Variants in NEGR1 observed in about 807,000 individuals in gnomAD.
NEGR1 encodes the protein neuronal growth regulator 1.
NEGR1 carries 10 observed loss-of-function variants against 40.9 expected under a neutral mutation model. The ratio of observed to expected loss-of-function variants is 0.24; its 90% CI spans 0.15 to 0.42. The LOEUF (loss-of-function observed/expected upper bound fraction) is 0.42, where lower values mean the gene tolerates loss of function less well. Among genes scored for constraint, NEGR1 ranks in the 10% least tolerant of loss-of-function variants. The pLI, the probability that NEGR1 is intolerant of heterozygous loss-of-function variation, is 1.00. For synonymous variants in NEGR1, 185 were observed against 166.8 expected (o/e 1.11, Z -0.84); for missense variants, 352 against 438.9 (o/e 0.80, Z 1.77).
intron 6 of NEGR1, among the ~76,000 whole-genome samples, chr1:71,434,948 C>G (rs955160071): frequency 1.8e-4 from 27 of 152,066 alleles, no homozygotes; most frequent in African/African-American, 2.9e-4. Flanking sequence ...AAAATTAGCC[C>G]GGCATAGTGG....
At chr1:71,723,241 G>A (rs1570260772) in intron 3 of NEGR1, among the ~76,000 whole-genome samples, 1 of 151,902 alleles carries the variant, frequency 6.6e-6, no homozygotes, top group East Asian at 1.9e-4. Context: ...AAATATATTT[G>A]GTATTTGTCC....
chr1:72,182,423 G>C (rs1323280950), intron 1 of NEGR1, among the ~76,000 whole-genome samples: 1 of 152,094 alleles, frequency 6.6e-6, no homozygotes, highest in Non-Finnish European at 1.5e-5. Context: ...AACCCGGGGG[G>C]TGGAGGTTGC....
At chr1:71,606,612 A>G (rs605349) in intron 5 of NEGR1, among the ~76,000 whole-genome samples, 4,658 of 152,334 alleles carry the variant, frequency 0.031, 234 homozygotes, top group African/African-American at 0.11. Context: ...TGATGGTGAC[A>G]TAAAGCTGAG....
intron 3 of NEGR1, among the ~76,000 whole-genome samples, chr1:71,763,852 C>T (rs1656032219): frequency 6.6e-6 from 1 of 151,998 alleles, no homozygotes; most frequent in Non-Finnish European, 1.5e-5. Flanking sequence ...GTGAATACCT[C>T]ATTATCTCCA....
At chr1:72,106,042 G>A (rs1010305459) in intron 1 of NEGR1, among the ~76,000 whole-genome samples, 1 of 152,028 alleles carries the variant, frequency 6.6e-6, no homozygotes, top group Non-Finnish European at 1.5e-5. Flanking sequence ...TTTTTGAGGA[G>A]GAGAAACAAT....
chr1:72,000,347 C>A (rs1220402545), intron 1 of NEGR1, among the ~76,000 whole-genome samples: 1 of 151,768 alleles, frequency 6.6e-6, no homozygotes, highest in Non-Finnish European at 1.5e-5. Flanking sequence ...TCCAATTCCA[C>A]ACAAAATGTG....
At chr1:72,036,345 A>G (rs576423706) in intron 1 of NEGR1, among the ~76,000 whole-genome samples, 3 of 152,178 alleles carry the variant, frequency 2.0e-5, no homozygotes, top group South Asian at 4.2e-4. Flanking sequence ...AAATGTGCAC[A>G]CTACAAAGGT....
intron 6 of NEGR1, among the ~76,000 whole-genome samples, chr1:71,591,863 AT>A (rs1406077739): frequency 6.6e-6 from 1 of 152,150 alleles, no homozygotes; most frequent in Non-Finnish European, 1.5e-5. Context: ...CATATATCCC[AT>A]CCCCATTTCT....
chr1:72,046,974 T>C (rs1009713972), intron 1 of NEGR1, among the ~76,000 whole-genome samples: 2 of 151,544 alleles, frequency 1.3e-5, no homozygotes, highest in Non-Finnish European at 3.0e-5. Flanking sequence ...TCTTCCAACG[T>C]CCTTAATTTT....
chr1:71,798,862 G>T (rs1657438949), intron 2 of NEGR1, among the ~76,000 whole-genome samples: 1 of 152,058 alleles, frequency 6.6e-6, no homozygotes, highest in Non-Finnish European at 1.5e-5. Context: ...CCCCTATTTT[G>T]TGAGTGCACC....
chr1:71,735,758 C>A (rs1417399699), intron 3 of NEGR1, among the ~76,000 whole-genome samples: 1 of 151,786 alleles, frequency 6.6e-6, no homozygotes, highest in Non-Finnish European at 1.5e-5. Context: ...AATGGTATTT[C>A]AGATATTCCA....
At chr1:71,591,430 G>T (rs1760604) in intron 6 of NEGR1, among the ~76,000 whole-genome samples, 136,185 of 152,178 alleles carry the variant, frequency 0.89, 62,292 homozygotes, top group Non-Finnish European at 1. Flanking sequence ...ATAGCAAAAC[G>T]TAATATGTTA....
intron 1 of NEGR1, among the ~76,000 whole-genome samples, chr1:72,157,041 G>C (rs941112468): frequency 6.6e-6 from 1 of 151,942 alleles, no homozygotes. Flanking sequence ...TAGCTCATAA[G>C]AGCCTCCACC....
intron 6 of NEGR1, among the ~76,000 whole-genome samples, chr1:71,412,926 G>A (rs935867922): frequency 1.3e-5 from 2 of 152,092 alleles, no homozygotes; most frequent in African/African-American, 4.8e-5. Flanking sequence ...GATCCTGTTT[G>A]CAGATCAGAA....
At position 72,159,246 on chromosome 1, in the gene NEGR1, A is replaced by C. The variant is rs1651468429; in HGVS notation, c.176+123073T>G. Among the ~76,000 whole-genome samples the C allele has an allele frequency of 2.6e-5, 4 of 152,298 alleles. No individual in the cohort carries two copies. In the South Asian group the frequency reaches 6.2e-4, roughly 24 times the overall value. On this transcript the variant is annotated intron_variant, in intron 1 of 6. Coordinates refer to ENST00000357731, the MANE Select transcript of NEGR1 (RefSeq NM_173808.3). ...ATTTAAGAGTAAGAAGAGTCTTTGC[A>C]ATAGTCTCCTTGCCGTTCCGTAACC... is the stretch of plus-strand genomic sequence containing the variant.
At chr1:71,948,881 C>A (rs562337498) in intron 1 of NEGR1, among the ~76,000 whole-genome samples, 1 of 152,008 alleles carries the variant, frequency 6.6e-6, no homozygotes, top group African/African-American at 2.4e-5. Context: ...GCATATTTTT[C>A]GAGCCCCATG....
At position 71,554,859 on chromosome 1, in the gene NEGR1, T is replaced by A. The variant is rs537260849; in HGVS notation, c.940+37958A>T. Among the ~76,000 whole-genome samples, 3 of 151,516 alleles carry A rather than the reference T, an allele frequency of 2.0e-5. No homozygotes were observed. In the East Asian group the frequency reaches 5.9e-4, roughly 30 times the overall value. Reference sequence around the variant, plus strand: ...TCTGGAAGATTAGAATGAGAACACTTAAAGGGGACGCTTTAGAGCACCAAA... The same window carrying A: ...TCTGGAAGATTAGAATGAGAACACTAAAAGGGGACGCTTTAGAGCACCAAA... On this transcript the variant is annotated intron_variant, in intron 6 of 6. Coordinates refer to ENST00000357731, the MANE Select transcript of NEGR1 (RefSeq NM_173808.3).
chr1:71,927,331 C>T (rs150675699), intron 2 of NEGR1, among the ~76,000 whole-genome samples: 10 of 152,178 alleles, frequency 6.6e-5, no homozygotes, highest in African/African-American at 2.4e-4. Context: ...AGATGGTGAA[C>T]CTGAGTTTTT....
intron 2 of NEGR1, among the ~76,000 whole-genome samples, chr1:71,842,241 G>A (rs1314101268): frequency 1.3e-5 from 2 of 152,124 alleles, no homozygotes. Flanking sequence ...TTGTTAGACA[G>A]TGGAATAGAG....
Sources: gnomAD v4.1 joint callset for allele counts (sites outside exome capture counted in the v4.1 genomes callset) on GRCh38, gnomAD v4.1.1 for gene constraint, MANE v1.5 for transcripts, NCBI Gene and HGNC (gene_info 2026-07-23, HGNC 2026-07-21) for gene names.